CDKN3: variants seen among roughly 807,000 people sequenced by gnomAD.
CDKN3 encodes the protein cyclin dependent kinase inhibitor 3.
In CDKN3, 19 loss-of-function variants were observed where a neutral mutation model predicts 36.1. The ratio of observed to expected loss-of-function variants is 0.53; its 90% CI spans 0.37 to 0.77. The LOEUF (loss-of-function observed/expected upper bound fraction) is 0.77. CDKN3 is among the 30% of genes least tolerant of loss of function. CDKN3 has a pLI of 0.00. For missense variants in CDKN3, 188 were observed against 248.6 expected (o/e 0.76, Z 1.64); for synonymous variants, 71 against 85.3 (o/e 0.83, Z 0.92).
rs1042647965 is a variant in CDKN3, at chr14:54,397,622, C to A, written c.9+545C>A. Among the ~76,000 whole-genome samples the A allele has an allele frequency of 3.3e-5, 5 of 152,236 alleles. 1 individual carries two copies. The highest frequency in any genetic ancestry group is 3.3e-4 in the Admixed American group (5 of 15,288). On this transcript the variant is annotated intron_variant, in intron 1 of 7. Coordinates refer to ENST00000335183, the MANE Select transcript of CDKN3 (RefSeq NM_005192.4). ...ACAGGGCCTGGGGAAGCAGAAACGT[C>A]CAGCTCTGTTAGGATTAATAAACCT...
chr14:54,409,611 T>A (rs2030281455), intron 4 of CDKN3, among the ~76,000 whole-genome samples: 1 of 152,062 alleles, frequency 6.6e-6, no homozygotes, highest in Non-Finnish European at 1.5e-5. Flanking sequence ...GGCGGGTTGA[T>A]CGCTTGAGCT....
Position 54,415,296 on chromosome 14 carries a change from A to G in CDKN3, c.417-603A>G, listed in dbSNP as rs140547243. On this transcript the variant is annotated intron_variant, in intron 5 of 7. Coordinates refer to ENST00000335183, the MANE Select transcript of CDKN3 (RefSeq NM_005192.4). ...CTAAGTCCTTGGCAAATGCTCACTC[A>G]TTTGTGAGCCTCATTTAATCCTCAC... Among the ~76,000 whole-genome samples, 1,222 of 152,320 alleles carry G rather than the reference A, an allele frequency of 8.0e-3. 14 individuals carry two copies. The highest frequency in any genetic ancestry group is 0.028 in the African/African-American group (1,161 of 41,560).
At chr14:54,417,280 C>CA (rs1490633499) in intron 6 of CDKN3, among the ~76,000 whole-genome samples, 3 of 152,132 alleles carry the variant, frequency 2.0e-5, no homozygotes, top group African/African-American at 7.2e-5. Flanking sequence ...CAGATAAACA[C>CA]AATGTGGCAT....
chr14:54,413,743 C>A, intron 5 of CDKN3: 1 of 1,514,878 alleles, frequency 6.6e-7, no homozygotes, highest in South Asian at 1.2e-5. Flanking sequence ...GACCTGTTGT[C>A]TACCAGTGCT....
In CDKN3 at chr14:54,419,872, A is replaced by G. The variant is rs2030670678; in HGVS notation, c.553-120A>G. Reference sequence around the variant, plus strand: ...CATGATGCAAATGCTTCCTTACCCAAAAAGATGTAGAATTGTGCTTAGCAA... The same window carrying G: ...CATGATGCAAATGCTTCCTTACCCAGAAAGATGTAGAATTGTGCTTAGCAA... On this transcript the variant is annotated intron_variant, in intron 7 of 7. Transcript: ENST00000335183. The G allele has an allele frequency of 5.2e-6, 3 of 579,248 alleles. 1 individual carries two copies. The South Asian group carries it at 7.8e-5, about 15-fold the overall frequency. The allele number at this position is 579,248 out of a possible 1,614,324, so 35.9% of individuals were successfully genotyped here. A position where few individuals can be genotyped will look rare whatever the true frequency, so the allele number is the denominator to read the frequency against.
intron 5 of CDKN3, among the ~76,000 whole-genome samples, chr14:54,415,511 T>C (rs1187678664): frequency 6.6e-6 from 1 of 152,248 alleles, no homozygotes; most frequent in Non-Finnish European, 1.5e-5. Flanking sequence ...TTTAGATACA[T>C]GAATGGTTAT....
intron 5 of CDKN3, among the ~76,000 whole-genome samples, chr14:54,415,018 A>C (rs2030492106): frequency 6.6e-6 from 1 of 152,172 alleles, no homozygotes; most frequent in Non-Finnish European, 1.5e-5. Context: ...AATACAATAC[A>C]ATACAGTAAT....
chr14:54,402,068 C>A (rs1486762479), intron 3 of CDKN3, among the ~76,000 whole-genome samples: 1 of 151,934 alleles, frequency 6.6e-6, no homozygotes, highest in Non-Finnish European at 1.5e-5. Context: ...ATTAGCTGGG[C>A]ATGGTGGCAC....
intron 7 of CDKN3, among the ~76,000 whole-genome samples, chr14:54,419,260 CAT>C (rs1281612949): frequency 5.9e-5 from 9 of 152,216 alleles, no homozygotes; most frequent in African/African-American, 2.2e-4. Flanking sequence ...TATGAATATC[CAT>C]ATGTTTTACA....
intron 7 of CDKN3, among the ~76,000 whole-genome samples, chr14:54,419,497 TAC>T (rs2030657709): frequency 6.6e-6 from 1 of 152,224 alleles, no homozygotes; most frequent in African/African-American, 2.4e-5. Context: ...AGATTAGCAA[TAC>T]AGTTTGTTTT....
At chr14:54,417,342 T>G (rs934478524) in intron 6 of CDKN3, among the ~76,000 whole-genome samples, 3 of 152,204 alleles carry the variant, frequency 2.0e-5, no homozygotes, top group African/African-American at 7.2e-5. Flanking sequence ...AATACAGACA[T>G]ATGCTACAAT....
intron 3 of CDKN3, among the ~76,000 whole-genome samples, chr14:54,404,009 T>C (rs2030056585): frequency 6.6e-6 from 1 of 152,212 alleles, no homozygotes; most frequent in Non-Finnish European, 1.5e-5. Flanking sequence ...CTTTTTGTTA[T>C]GTCTCTGCCA....
intron 3 of CDKN3, among the ~76,000 whole-genome samples, chr14:54,407,501 C>T (rs2030202062): frequency 6.6e-6 from 1 of 152,218 alleles, no homozygotes; most frequent in Non-Finnish European, 1.5e-5. Flanking sequence ...ATCTATAAGC[C>T]CCTGACTGGA....
chr14:54,406,129 T>C (rs563701523), intron 3 of CDKN3, among the ~76,000 whole-genome samples: 1 of 152,356 alleles, frequency 6.6e-6, no homozygotes, highest in South Asian at 2.1e-4. Flanking sequence ...AATTCTGGGT[T>C]GAAAATTATT....
At chr14:54,397,485 G>A (rs1382326607) in intron 1 of CDKN3, among the ~76,000 whole-genome samples, 1 of 152,242 alleles carries the variant, frequency 6.6e-6, no homozygotes, top group Non-Finnish European at 1.5e-5. Flanking sequence ...CACAGGGCCT[G>A]GGGAAACCTT....
At chr14:54,399,711 A>G (rs1288789570) in intron 1 of CDKN3, among the ~76,000 whole-genome samples, 183 bp from the exon 2 acceptor site, 1 of 152,218 alleles carries the variant, frequency 6.6e-6, no homozygotes, top group Non-Finnish European at 1.5e-5. Context: ...GCAGTGCTAT[A>G]ATTATTAATA....
chr14:54,411,388 C>A, intron 4 of CDKN3, 96 bp from the exon 5 acceptor site: 2 of 937,706 alleles, frequency 2.1e-6, no homozygotes, highest in Non-Finnish European at 3.2e-6. Flanking sequence ...ATTAGTTTGG[C>A]TTAAGAAATT....
At chr14:54,414,856 T>C (rs1246503327) in intron 5 of CDKN3, among the ~76,000 whole-genome samples, 1 of 151,956 alleles carries the variant, frequency 6.6e-6, no homozygotes, top group Non-Finnish European at 1.5e-5. Flanking sequence ...GCCTCTCCCT[T>C]TATATGGTAG....
At chr14:54,411,870 A>G in intron 5 of CDKN3, 164 bp downstream of exon 5, 1 of 675,824 alleles carries the variant, frequency 1.5e-6, no homozygotes, top group Non-Finnish European at 2.7e-6. Context: ...GTACAGGGTA[A>G]GTAGTCAAAT....
Sources: gnomAD v4.1 joint callset for allele counts (sites outside exome capture counted in the v4.1 genomes callset) on GRCh38, gnomAD v4.1.1 for gene constraint, MANE v1.5 for transcripts, NCBI Gene and HGNC (gene_info 2026-07-23, HGNC 2026-07-21) for gene names.